Variants in HEATR1 observed in about 807,000 individuals in gnomAD.
The protein encoded by HEATR1 is HEAT repeat-containing protein 1.
Under a neutral mutation model 248.2 loss-of-function variants are expected in HEATR1, and 77 were observed. The observed-to-expected ratio is 0.31, with a 90% CI of 0.26 to 0.37. The LOEUF is 0.37. HEATR1 is among the 10% of genes least tolerant of loss of function. The probability of loss-of-function intolerance (pLI) is 1.00; values close to 1 mark genes in which losing one functional copy is unlikely to be tolerated. For synonymous variants in HEATR1, 897 were observed against 923.1 expected (o/e 0.97, Z 0.51); for missense variants, 2,420 against 2,504.9 (o/e 0.97, Z 0.72).
In HEATR1 at chr1:236,603,948, G is replaced by A. The variant is rs566904059; in HGVS notation, c.142+6C>T. On this transcript the variant is annotated splice_donor_region_variant and intron_variant, in intron 2 of 44. Coordinates refer to ENST00000366582, the MANE Select transcript of HEATR1 (RefSeq NM_018072.6). ...AAGAGCTTTTCTAAGTTAAAAGATGGCTCACCAATGGCGAAGGCGGTGTCC... is the reference window on the plus strand; with the variant it reads ...AAGAGCTTTTCTAAGTTAAAAGATGACTCACCAATGGCGAAGGCGGTGTCC... 2.5e-6 allele frequency: 4 copies of A among 1,586,578 alleles called. No individual in the cohort carries two copies. In the South Asian group the frequency reaches 4.7e-5, roughly 19 times the overall value.
At chr1:236,591,668 C>A (rs1016788186) in intron 11 of HEATR1, among the ~76,000 whole-genome samples, 1 of 152,092 alleles carries the variant, frequency 6.6e-6, no homozygotes. Flanking sequence ...AAGCATAGAC[C>A]TAGATGAAAG....
chr1:236,597,812 T>C, intron 5 of HEATR1, 66 bp downstream of exon 5: 2 of 991,126 alleles, frequency 2.0e-6, no homozygotes. Context: ...TGTTTTAGTA[T>C]GTTTTCTTCA....
Position 236,561,220 on chromosome 1 carries a change from C to T in HEATR1, c.4646+5G>A. ...TAAAAAGTAGAAAAAGAAAAGGAAA[C>T]ATACCTCTCTTCAAGGCCTTTTAAA... On this transcript the variant is annotated splice_donor_5th_base_variant and intron_variant, in intron 33 of 44. Transcript: ENST00000366582. The T allele has an allele frequency of 6.3e-7, 1 of 1,597,664 alleles. No individual in the cohort carries two copies. Among genetic ancestry groups the T allele is most frequent in the Non-Finnish European group, 8.6e-7 (1 of 1,166,118 alleles).
In HEATR1 at chr1:236,574,186, G is replaced by T; in HGVS notation, c.3459+16C>A. 1 of 1,577,184 alleles carries T rather than the reference G, an allele frequency of 6.3e-7. No homozygotes were observed. The highest frequency in any genetic ancestry group is 1.4e-5 in the African/African-American group (1 of 72,410). ...TAAACATTAATAAAAAAAATTACAA[G>T]AAGTTTGCAGCTTACCCCTTTAAAA... On this transcript the variant is annotated intron_variant, in intron 24 of 44. Coordinates refer to ENST00000366582, the MANE Select transcript of HEATR1 (RefSeq NM_018072.6).
intron 5 of HEATR1, 100 bp downstream of exon 5, chr1:236,597,778 C>A: frequency 1.4e-6 from 1 of 694,940 alleles, no homozygotes. Context: ...TAAATTTATC[C>A]AAAGTATCAT....
intron 9 of HEATR1, among the ~76,000 whole-genome samples, chr1:236,593,732 G>C (rs74146000): frequency 0.018 from 2,686 of 152,072 alleles, 17 homozygotes; most frequent in Middle Eastern, 0.075. Context: ...TTTACTAAGA[G>C]AAAACTTCAA....
At chr1:236,567,633 C>T (rs1663308524) in intron 29 of HEATR1, among the ~76,000 whole-genome samples, 1 of 152,196 alleles carries the variant, frequency 6.6e-6, no homozygotes, top group Non-Finnish European at 1.5e-5. Flanking sequence ...CACTTGAAAC[C>T]AGGAGGCAGA....
intron 3 of HEATR1, 146 bp from the exon 4 acceptor site, chr1:236,599,770 C>A: frequency 1.4e-6 from 1 of 714,692 alleles, no homozygotes; most frequent in South Asian, 2.8e-5. Flanking sequence ...AGATACAGAG[C>A]ATTTAAAAAG....
At chr1:236,589,853 C>T (rs1220030096) in intron 12 of HEATR1, among the ~76,000 whole-genome samples, 1 of 152,202 alleles carries the variant, frequency 6.6e-6, no homozygotes, top group African/African-American at 2.4e-5. Context: ...TAGCACCTCA[C>T]ACCCACAATT....
At chr1:236,598,649 G>A (rs772400118) in intron 4 of HEATR1, among the ~76,000 whole-genome samples, 12 of 152,114 alleles carry the variant, frequency 7.9e-5, no homozygotes, top group East Asian at 3.8e-4. Context: ...AGTGCTTTAC[G>A]TTCAGATTCT....
rs761267917 is a variant in HEATR1 at position 236,561,318 on chromosome 1, TA to T, written c.4600-48del. ...ATTAGAACGGTAGGGAAGTCAATAA[TA>T]AAAGTCATTTCAAGTCAGTTCAATG... On this transcript the variant is annotated intron_variant, in intron 32 of 44. Transcript: ENST00000366582. 1.7e-5 allele frequency: 24 copies of T among 1,444,996 alleles called. No homozygotes were observed. The African/African-American group carries it at 2.0e-4, about 12-fold the overall frequency. The allele number at this position is 1,444,996 out of a possible 1,614,324, so 89.5% of individuals were successfully genotyped here.
At chr1:236,563,334 T>TTC (rs1463331665) in intron 32 of HEATR1, among the ~76,000 whole-genome samples, 2 of 152,138 alleles carry the variant, frequency 1.3e-5, no homozygotes, top group Non-Finnish European at 2.9e-5. Flanking sequence ...GTTGGTGGAA[T>TTC]GCATTGGCTC....
chr1:236,603,135 T>C (rs963049955), intron 3 of HEATR1, 25 bp downstream of exon 3: 7 of 1,559,400 alleles, frequency 4.5e-6, no homozygotes, highest in South Asian at 1.1e-5. Flanking sequence ...TAACCCATAG[T>C]TATTTCTGTA....
At chr1:236,576,414 TAAGA>T in intron 21 of HEATR1, 37 bp from the exon 22 acceptor site, 4 of 1,438,416 alleles carry the variant, frequency 2.8e-6, no homozygotes, top group Non-Finnish European at 3.8e-6. Context: ...AAAAAAGGGT[TAAGA>T]AACTACAAAG....
chr1:236,586,058 T>C (rs1419095873), intron 15 of HEATR1, 117 bp from the exon 16 acceptor site: 1 of 1,359,546 alleles, frequency 7.4e-7, no homozygotes, highest in Non-Finnish European at 1.0e-6. Context: ...CTATTTTTCC[T>C]TGTATCCGAT....
intron 30 of HEATR1, 132 bp from the exon 31 acceptor site, chr1:236,566,177 C>T (rs1421171379): frequency 2.6e-6 from 2 of 783,766 alleles, no homozygotes; most frequent in Admixed American, 6.1e-5. Context: ...GAGATCTACT[C>T]CCAGATCCCA....
chr1:236,602,524 T>G (rs1664353052), intron 3 of HEATR1, among the ~76,000 whole-genome samples: 1 of 152,236 alleles, frequency 6.6e-6, no homozygotes, highest in Non-Finnish European at 1.5e-5. Flanking sequence ...TAACATTGCC[T>G]GCTTCCCCAA....
At chr1:236,597,066 A>C in intron 5 of HEATR1, 90 bp from the exon 6 acceptor site, 1 of 1,212,080 alleles carries the variant, frequency 8.3e-7, no homozygotes, top group Non-Finnish European at 1.2e-6. Context: ...CTGAGATTTC[A>C]ATGAACTATG....
intron 41 of HEATR1, 139 bp downstream of exon 41, chr1:236,555,157 A>T (rs1317453449): frequency 1.2e-6 from 1 of 806,062 alleles, no homozygotes; most frequent in Non-Finnish European, 2.0e-6. Context: ...GACAACAATG[A>T]AGTAAAAAAT....
Sources: allele counts gnomAD v4.1 joint callset (sites outside exome capture counted in the v4.1 genomes callset), GRCh38; gene constraint gnomAD v4.1.1; transcripts MANE v1.5; gene names NCBI Gene and HGNC (gene_info 2026-07-23, HGNC 2026-07-21).